CSMD1: variants seen among roughly 807,000 people sequenced by gnomAD.
CSMD1 encodes CUB and sushi domain-containing protein 1.
In CSMD1, 213 loss-of-function variants were observed where a neutral mutation model predicts 417.5. The observed-to-expected ratio is 0.51, with a 90% CI of 0.46 to 0.57. CSMD1 has a LOEUF of 0.57. CSMD1 is among the 20% of genes least tolerant of loss of function. CSMD1 has a pLI of 0.00. For synonymous variants in CSMD1, 2,862 were observed against 1,736.8 expected, an observed-to-expected ratio of 1.65 and a Z score of -16.11; for missense variants, 6,923 against 4,529.7, an observed-to-expected ratio of 1.53 and a Z score of -15.17.
chr8:4,978,972 ACT>A (rs1174235951), intron 1 of CSMD1, among the ~76,000 whole-genome samples: 1 of 152,172 alleles, frequency 6.6e-6, no homozygotes, highest in Non-Finnish European at 1.5e-5. Flanking sequence ...AGAAAAAATA[ACT>A]CTGGAGAAAG....
At chr8:3,248,194 A>G (rs977154651) in intron 26 of CSMD1, among the ~76,000 whole-genome samples, 14 of 152,214 alleles carry the variant, frequency 9.2e-5, no homozygotes, top group African/African-American at 3.4e-4. Context: ...TGAAGTATGA[A>G]AACAGGAGAA....
chr8:4,482,828 T>C (rs1364019723), intron 2 of CSMD1, among the ~76,000 whole-genome samples: 1 of 152,142 alleles, frequency 6.6e-6, no homozygotes, highest in African/African-American at 2.4e-5. Flanking sequence ...GAAATGCAAA[T>C]CAATACTAAA....
chr8:4,402,066 C>T (rs1054714455), intron 3 of CSMD1, among the ~76,000 whole-genome samples: 1 of 152,084 alleles, frequency 6.6e-6, no homozygotes, highest in Non-Finnish European at 1.5e-5. Context: ...CCTTCTAACC[C>T]CATGGCTTCC....
chr8:3,401,595 A>C (rs1330897396), intron 15 of CSMD1, among the ~76,000 whole-genome samples: 1 of 152,206 alleles, frequency 6.6e-6, no homozygotes, highest in African/African-American at 2.4e-5. Flanking sequence ...TGCCGTAACT[A>C]ACAGCCCTGC....
chr8:4,846,527 G>C (rs549350520), intron 1 of CSMD1, among the ~76,000 whole-genome samples: 2 of 152,112 alleles, frequency 1.3e-5, no homozygotes, highest in African/African-American at 4.8e-5. Flanking sequence ...TTGCTGTTTT[G>C]GTCCAGCCAC....
chr8:3,921,688 G>C (rs116689898), intron 5 of CSMD1, among the ~76,000 whole-genome samples: 1 of 151,698 alleles, frequency 6.6e-6, no homozygotes, highest in African/African-American at 2.4e-5. Context: ...TCACATATTT[G>C]TAAACTAATT....
intron 47 of CSMD1, among the ~76,000 whole-genome samples, chr8:3,096,494 G>C (rs962801922): frequency 6.6e-6 from 1 of 152,024 alleles, no homozygotes; most frequent in Non-Finnish European, 1.5e-5. Context: ...CATGCCTGCC[G>C]TCATCCATGT....
intron 1 of CSMD1, among the ~76,000 whole-genome samples, chr8:4,892,465 T>C (rs1440171354): frequency 6.6e-6 from 1 of 152,128 alleles, no homozygotes; most frequent in Non-Finnish European, 1.5e-5. Flanking sequence ...TCATGTCTTT[T>C]AATCACGTTT....
chr8:4,710,533 G>C (rs778473828), intron 1 of CSMD1, among the ~76,000 whole-genome samples: 1 of 149,846 alleles, frequency 6.7e-6, no homozygotes. Context: ...GGAGAAGATG[G>C]TGGGGGTGGT....
At chr8:3,889,248 G>C (rs896358078) in intron 5 of CSMD1, among the ~76,000 whole-genome samples, 5 of 151,654 alleles carry the variant, frequency 3.3e-5, no homozygotes, top group African/African-American at 7.2e-5. Flanking sequence ...ATAAATTAAA[G>C]AGAGATTTCT....
At chr8:3,650,220 A>G (rs1050458710) in intron 7 of CSMD1, among the ~76,000 whole-genome samples, 2 of 152,046 alleles carry the variant, frequency 1.3e-5, no homozygotes, top group Admixed American at 1.3e-4. Flanking sequence ...CAGATTTGCA[A>G]TGACCTGAGA....
At chr8:3,766,698 A>C (rs1798291065) in intron 5 of CSMD1, among the ~76,000 whole-genome samples, 2 of 152,116 alleles carry the variant, frequency 1.3e-5, no homozygotes, top group African/African-American at 4.8e-5. Context: ...GTAACAATTT[A>C]TTTTGGGTTC....
chr8:4,423,758 A>C (rs1418948903), intron 2 of CSMD1, among the ~76,000 whole-genome samples: 2 of 152,018 alleles, frequency 1.3e-5, no homozygotes, highest in Non-Finnish European at 2.9e-5. Context: ...AATAGCTCAA[A>C]CATTTTGCGA....
chr8:3,621,991 A>G (rs200200781), intron 7 of CSMD1, among the ~76,000 whole-genome samples: 80 of 143,094 alleles, frequency 5.6e-4, no homozygotes, highest in Middle Eastern at 3.6e-3. Context: ...GTGTGTGTGT[A>G]TGTGTGTGTG....
intron 5 of CSMD1, among the ~76,000 whole-genome samples, chr8:3,968,136 G>C (rs757824963): frequency 6.6e-6 from 1 of 151,774 alleles, no homozygotes; most frequent in East Asian, 1.9e-4. Context: ...GCAGTGAGCC[G>C]AGATCGACCC....
chr8:3,332,745 C>T (rs1188925952), intron 23 of CSMD1, among the ~76,000 whole-genome samples: 1 of 152,154 alleles, frequency 6.6e-6, no homozygotes, highest in Non-Finnish European at 1.5e-5. Context: ...GAAAACATTC[C>T]TAAATAGGAA....
intron 1 of CSMD1, among the ~76,000 whole-genome samples, chr8:4,981,151 G>C (rs900647619): frequency 1.5e-5 from 2 of 133,212 alleles, no homozygotes; most frequent in Non-Finnish European, 1.6e-5. Flanking sequence ...TCAAAATATA[G>C]ATATTATTTG....
At chr8:4,558,056 C>A (rs1363179697) in intron 2 of CSMD1, among the ~76,000 whole-genome samples, 1 of 152,144 alleles carries the variant, frequency 6.6e-6, no homozygotes, top group African/African-American at 2.4e-5. Flanking sequence ...TTATGTCATA[C>A]TGACTCAGCG....
At chr8:4,536,977 T>C (rs925503231) in intron 2 of CSMD1, among the ~76,000 whole-genome samples, 3 of 152,204 alleles carry the variant, frequency 2.0e-5, no homozygotes, top group Non-Finnish European at 4.4e-5. Flanking sequence ...ATGATTATCA[T>C]TTTCATTTCT....
Sources: gnomAD v4.1 joint callset for allele counts (sites outside exome capture counted in the v4.1 genomes callset) on GRCh38, gnomAD v4.1.1 for gene constraint, MANE v1.5 for transcripts, NCBI Gene and HGNC (gene_info 2026-07-23, HGNC 2026-07-21) for gene names.